HS6ST3: variants seen among roughly 807,000 people sequenced by gnomAD.
The protein encoded by HS6ST3 is heparan sulfate 6-O-sulfotransferase 3.
In HS6ST3, 12 loss-of-function variants were observed where a neutral mutation model predicts 36.7. That is an observed-to-expected ratio of 0.33 (90% CI 0.21 to 0.53). The LOEUF (loss-of-function observed/expected upper bound fraction) is 0.53. Among genes scored for constraint, HS6ST3 ranks in the 20% least tolerant of loss-of-function variants. The probability of loss-of-function intolerance (pLI) is 0.95; values close to 1 mark genes in which losing one functional copy is unlikely to be tolerated. For synonymous variants in HS6ST3, 240 were observed against 257.5 expected, an observed-to-expected ratio of 0.93 and a Z score of 0.65; for missense variants, 584 against 640.9, an observed-to-expected ratio of 0.91 and a Z score of 0.96.
At chr13:96,355,358 T>TACACACACACAC (rs66509801) in intron 1 of HS6ST3, among the ~76,000 whole-genome samples, 18 of 140,482 alleles carry the variant, frequency 1.3e-4, no homozygotes, top group African/African-American at 4.7e-4. Flanking sequence ...AGTCTATAGT[T>TACACACACACAC]ACACACACAC....
intron 1 of HS6ST3, among the ~76,000 whole-genome samples, chr13:96,784,989 G>A (rs774765994): frequency 2.6e-5 from 4 of 152,118 alleles, no homozygotes; most frequent in Non-Finnish European, 5.9e-5. Context: ...CCAACAGGGT[G>A]AAAACCTGTC....
At chr13:96,782,293 A>G (rs114058303) in intron 1 of HS6ST3, among the ~76,000 whole-genome samples, 2,539 of 152,288 alleles carry the variant, frequency 0.017, 77 homozygotes, top group African/African-American at 0.058. Flanking sequence ...GTTAAGGATT[A>G]CCGATTTTCT....
At chr13:96,766,451 C>G (rs1877120744) in intron 1 of HS6ST3, among the ~76,000 whole-genome samples, 1 of 152,006 alleles carries the variant, frequency 6.6e-6, no homozygotes, top group Non-Finnish European at 1.5e-5. Context: ...GGCAGAAATT[C>G]CCTTAGGATG....
intron 1 of HS6ST3, among the ~76,000 whole-genome samples, chr13:96,119,838 A>G (rs1351644918): frequency 2.8e-5 from 3 of 106,332 alleles, no homozygotes; most frequent in Non-Finnish European, 6.1e-5. Flanking sequence ...TACGATTAAA[A>G]TTACTTTCAC....
At chr13:96,746,851 AT>A (rs1456449187) in intron 1 of HS6ST3, among the ~76,000 whole-genome samples, 1 of 152,056 alleles carries the variant, frequency 6.6e-6, no homozygotes. Context: ...ATCTAACCTC[AT>A]TGATAAAAAG....
intron 1 of HS6ST3, among the ~76,000 whole-genome samples, chr13:96,729,765 C>T (rs185365418): frequency 6.6e-6 from 1 of 152,286 alleles, no homozygotes; most frequent in Non-Finnish European, 1.5e-5. Context: ...CACGCCCGGC[C>T]CCAATATCAA....
intron 1 of HS6ST3, among the ~76,000 whole-genome samples, chr13:96,250,053 C>T (rs2054601024): frequency 6.6e-6 from 1 of 152,140 alleles, no homozygotes; most frequent in Admixed American, 6.6e-5. Context: ...TTTAATGCCA[C>T]TGAACTGTAA....
intron 1 of HS6ST3, among the ~76,000 whole-genome samples, chr13:96,362,984 A>T (rs2055245720): frequency 6.6e-6 from 1 of 152,178 alleles, no homozygotes; most frequent in South Asian, 2.1e-4. Flanking sequence ...GAAATAGAGC[A>T]TGGATCAGAG....
intron 1 of HS6ST3, among the ~76,000 whole-genome samples, chr13:96,809,405 C>T (rs866222105): frequency 2.6e-5 from 4 of 152,228 alleles, no homozygotes; most frequent in African/African-American, 9.6e-5. Context: ...ATTTTGTATC[C>T]TGTCTTGTTT....
chr13:96,458,871 G>A (rs1341926030), intron 1 of HS6ST3, among the ~76,000 whole-genome samples: 5 of 151,892 alleles, frequency 3.3e-5, no homozygotes, highest in Non-Finnish European at 5.9e-5. Context: ...GGAGGCCAAT[G>A]GGGGTGTGGA....
At chr13:96,359,520 G>A (rs1324214655) in intron 1 of HS6ST3, among the ~76,000 whole-genome samples, 1 of 152,094 alleles carries the variant, frequency 6.6e-6, no homozygotes, top group Non-Finnish European at 1.5e-5. Context: ...TGAGCAGCTC[G>A]GTATCACCTG....
Position 96,178,078 on chromosome 13 carries a change from T to C in HS6ST3, c.707+86509T>C, listed in dbSNP as rs532331995. 4.6e-5 allele frequency among the ~76,000 whole-genome samples: 7 copies of C among 152,272 alleles called. No homozygotes were observed. The South Asian group carries it at 1.5e-3, about 32-fold the overall frequency. On this transcript the variant is annotated intron_variant, in intron 1 of 1. Transcript: ENST00000376705. ...CTATATGTTTACTGATGGAGTGTTT[T>C]GGTATCTGGGAATTTCTAAACAATT...
At chr13:96,497,641 G>A (rs1377285228) in intron 1 of HS6ST3, among the ~76,000 whole-genome samples, 1 of 152,038 alleles carries the variant, frequency 6.6e-6, no homozygotes, top group Admixed American at 6.6e-5. Context: ...AATAAAATCT[G>A]ATTGTATCAG....
intron 1 of HS6ST3, among the ~76,000 whole-genome samples, chr13:96,210,532 C>T (rs1221779216): frequency 1.3e-5 from 2 of 151,946 alleles, no homozygotes; most frequent in Admixed American, 6.6e-5. Flanking sequence ...GTTTCGATCA[C>T]ATGAACTTAG....
chr13:96,814,060 A>C (rs1346160992), intron 1 of HS6ST3, among the ~76,000 whole-genome samples: 1 of 152,092 alleles, frequency 6.6e-6, no homozygotes, highest in Non-Finnish European at 1.5e-5. Flanking sequence ...AAAGGTGAAA[A>C]ATTTGCTCTC....
intron 1 of HS6ST3, among the ~76,000 whole-genome samples, chr13:96,593,379 A>G (rs2056390591): frequency 6.6e-6 from 1 of 150,492 alleles, no homozygotes; most frequent in South Asian, 2.1e-4. Context: ...TATTTTTAGT[A>G]GAGATGGGGT....
chr13:96,335,675 A>C (rs541114100), intron 1 of HS6ST3, among the ~76,000 whole-genome samples: 1 of 152,316 alleles, frequency 6.6e-6, no homozygotes, highest in Admixed American at 6.5e-5. Context: ...TAAGGTACCC[A>C]CCCACAGAGT....
chr13:96,478,122 C>T (rs920389854), intron 1 of HS6ST3, among the ~76,000 whole-genome samples: 2 of 152,138 alleles, frequency 1.3e-5, no homozygotes, highest in South Asian at 4.1e-4. Flanking sequence ...TAGGACCTAG[C>T]TCAGTGCCCC....
At chr13:96,181,543 T>A (rs2054240015) in intron 1 of HS6ST3, among the ~76,000 whole-genome samples, 1 of 152,206 alleles carries the variant, frequency 6.6e-6, no homozygotes, top group South Asian at 2.1e-4. Context: ...TGCAGGCCTC[T>A]CAGGGCCCTG....
Sources: gnomAD v4.1 joint callset for allele counts (sites outside exome capture counted in the v4.1 genomes callset) on GRCh38, gnomAD v4.1.1 for gene constraint, MANE v1.5 for transcripts, NCBI Gene and HGNC (gene_info 2026-07-23, HGNC 2026-07-21) for gene names.